Variants in NUDCD1 observed in about 807,000 individuals in gnomAD.
NUDCD1 encodes the protein NudC domain containing 1.
A neutral mutation model predicts 67.8 loss-of-function variants in NUDCD1; 60 were observed. The ratio of observed to expected loss-of-function variants is 0.88; its 90% confidence interval spans 0.72 to 1.10. The LOEUF (loss-of-function observed/expected upper bound fraction) is 1.10. Ranked by LOEUF, NUDCD1 falls within the 50% of genes least tolerant of loss-of-function variation. NUDCD1 has a pLI of 0.00. For synonymous variants in NUDCD1, 244 were observed against 230.8 expected (o/e 1.06, Z -0.52); for missense variants, 643 against 695.0 (o/e 0.93, Z 0.84).
intron 1 of NUDCD1, among the ~76,000 whole-genome samples, chr8:109,326,533 G>A (rs971530197): frequency 6.6e-6 from 1 of 151,784 alleles, no homozygotes; most frequent in Non-Finnish European, 1.5e-5. Flanking sequence ...ATCTTTGTAA[G>A]GGTTGAAGAA....
intron 2 of NUDCD1, among the ~76,000 whole-genome samples, chr8:109,312,361 TGATTATCTCATTGGCCAGA>T (rs1815278250): frequency 6.8e-6 from 1 of 147,968 alleles, no homozygotes; most frequent in Non-Finnish European, 1.5e-5. Context: ...TAATAGAATA[TGATTATCTCATTGGCCAGA>T]GAAAACAATC....
chr8:109,272,164 T>A (rs1272298033), intron 7 of NUDCD1, among the ~76,000 whole-genome samples: 1 of 152,080 alleles, frequency 6.6e-6, no homozygotes, highest in Non-Finnish European at 1.5e-5. Context: ...TTCACATTTT[T>A]AATCTCTTTT....
chr8:109,262,980 G>A (rs1244655585), intron 8 of NUDCD1, among the ~76,000 whole-genome samples: 2 of 140,644 alleles, frequency 1.4e-5, no homozygotes, highest in Non-Finnish European at 3.0e-5. Context: ...GCTTGAACCT[G>A]GGAGGCAAAG....
chr8:109,242,878 T>C lies in NUDCD1; in HGVS notation c.*131A>G, dbSNP rs1443237594. Reference sequence around the variant, plus strand: ...AATCTCTTGAATATATTTCCAATGTTATTAAAAAATAAAAAATCATACAAG... The same window carrying C: ...AATCTCTTGAATATATTTCCAATGTCATTAAAAAATAAAAAATCATACAAG... On this transcript the variant is annotated 3_prime_UTR_variant, in exon 10 of 10. Coordinates refer to ENST00000239690, the MANE Select transcript of NUDCD1 (RefSeq NM_032869.4). 3.8e-6 allele frequency: 2 copies of C among 533,320 alleles called. No homozygotes were observed. The highest frequency in any genetic ancestry group is 6.5e-6 in the Non-Finnish European group (2 of 306,760). The allele number at this position is 533,320 out of a possible 1,614,324, so 33.0% of individuals were successfully genotyped here.
At chr8:109,278,471 AT>A in intron 6 of NUDCD1, among the ~76,000 whole-genome samples, 1 of 152,282 alleles carries the variant, frequency 6.6e-6, no homozygotes, top group East Asian at 1.9e-4. Context: ...GAATTTACTG[AT>A]TTTGACAAAT....
intron 1 of NUDCD1, among the ~76,000 whole-genome samples, chr8:109,324,378 A>G (rs1397549735): frequency 6.6e-6 from 1 of 151,458 alleles, no homozygotes; most frequent in Non-Finnish European, 1.5e-5. Context: ...TAGAATGGCT[A>G]TTTTCAAAAA....
chr8:109,269,260 T>C (rs575347347), intron 8 of NUDCD1, among the ~76,000 whole-genome samples: 5 of 152,300 alleles, frequency 3.3e-5, no homozygotes, highest in East Asian at 3.9e-4. Context: ...ATTGAAGAGA[T>C]AGAAATTAAT....
chr8:109,265,690 G>A (rs945937273), intron 8 of NUDCD1, among the ~76,000 whole-genome samples: 1 of 152,140 alleles, frequency 6.6e-6, no homozygotes, highest in Non-Finnish European at 1.5e-5. Context: ...TCTTTTCACG[G>A]ACAAAGGCAG....
At chr8:109,245,705 G>A (rs920391736) in intron 8 of NUDCD1, among the ~76,000 whole-genome samples, 2 of 152,258 alleles carry the variant, frequency 1.3e-5, no homozygotes, top group East Asian at 1.9e-4. Flanking sequence ...GTAACTTGTC[G>A]ATGGTCAGCC....
chr8:109,270,881 G>T, intron 8 of NUDCD1, 124 bp downstream of exon 8: 1 of 600,214 alleles, frequency 1.7e-6, no homozygotes, highest in East Asian at 2.8e-5. Context: ...GCTACTTTAT[G>T]GAGTGATGAG....
intron 6 of NUDCD1, among the ~76,000 whole-genome samples, chr8:109,276,775 C>T (rs956202459): frequency 6.6e-6 from 1 of 152,096 alleles, no homozygotes; most frequent in Admixed American, 6.5e-5. Context: ...CGTGCCTCAG[C>T]CTCCCAAGTA....
chr8:109,321,729 C>A (rs1355508916), intron 2 of NUDCD1, among the ~76,000 whole-genome samples: 4 of 151,946 alleles, frequency 2.6e-5, no homozygotes, highest in African/African-American at 9.7e-5. Flanking sequence ...ACTATATGCT[C>A]TTTATGACAC....
At position 109,296,453 on chromosome 8, in the gene NUDCD1, TG is replaced by T; in HGVS notation, c.389del (p.Ser130Ter). 1 of 1,613,716 alleles carries T rather than the reference TG, an allele frequency of 6.2e-7. No individual in the cohort carries two copies. Among genetic ancestry groups the T allele is most frequent in the East Asian group, 2.2e-5 (1 of 44,864 alleles). ...HFSSSTWVTL[S>X]DGTGRLYVIG... The stretch of plus-strand genomic sequence containing the variant: ...TGACATACAATCTTCCAGTTCCATC[TG>T]ACAAGGTAACCCAGGTAGAAGATGA... On this transcript the variant is annotated frameshift_variant, in exon 3 of 10. Transcript: ENST00000239690. LOFTEE classifies it high-confidence loss of function.
At chr8:109,328,286 G>A (rs1441047695) in intron 1 of NUDCD1, among the ~76,000 whole-genome samples, 4 of 152,168 alleles carry the variant, frequency 2.6e-5, no homozygotes, top group Non-Finnish European at 5.9e-5. Context: ...TTTAACTGTA[G>A]TGTAAATCTT....
At chr8:109,283,081 T>A (rs952708187) in intron 5 of NUDCD1, among the ~76,000 whole-genome samples, 1 of 152,142 alleles carries the variant, frequency 6.6e-6, no homozygotes, top group East Asian at 1.9e-4. Flanking sequence ...AAGGAAGAGA[T>A]AAACATCTTT....
At chr8:109,324,666 C>T (rs1815627804) in intron 1 of NUDCD1, among the ~76,000 whole-genome samples, 1 of 152,112 alleles carries the variant, frequency 6.6e-6, no homozygotes, top group Non-Finnish European at 1.5e-5. Context: ...ACCTAAGTGG[C>T]CAAAGGATGA....
At chr8:109,268,249 C>T (rs546176710) in intron 8 of NUDCD1, among the ~76,000 whole-genome samples, 6 of 152,090 alleles carry the variant, frequency 3.9e-5, no homozygotes, top group East Asian at 3.9e-4. Flanking sequence ...TAAGAAAAAT[C>T]GGTGTATTTT....
Position 109,281,011 on chromosome 8 carries a change from T to C in NUDCD1, c.985A>G (p.Ile329Val), listed in dbSNP as rs1250414965. The C allele has an allele frequency of 3.1e-6, 5 of 1,609,578 alleles. No individual in the cohort carries two copies. Among genetic ancestry groups the C allele is most frequent in the Non-Finnish European group, 4.3e-6 (5 of 1,176,194 alleles). The change falls in exon 6 of 10, where the codon ATT (isoleucine) becomes GTT (valine). Residue 329 changes from isoleucine (I) to valine (V), a missense_variant. By Grantham distance (29) the Ile-to-Val change is conservative. Coordinates refer to ENST00000239690, the MANE Select transcript of NUDCD1 (RefSeq NM_032869.4). ...QFLEGKLYSS[I>V]DHESSTWIIK... ...ATCCATGTACTGCTTTCATGATCAA[T>C]AGATGAATAGAGTTTTCCTTCTAAA...
At position 109,289,066 on chromosome 8, in the gene NUDCD1, C is replaced by T. The variant is rs537875238; in HGVS notation, c.823+685G>A. Among the ~76,000 whole-genome samples the T allele has an allele frequency of 4.6e-5, 7 of 151,992 alleles. No individual in the cohort carries two copies. The South Asian group carries it at 1.5e-3, about 32-fold the overall frequency. On this transcript the variant is annotated intron_variant, in intron 5 of 9. Transcript: ENST00000239690. ...TCCTGGCTCACAACAACCTCTGCCT[C>T]CTGGGTTCAAGTGATTCTCCTGCCT...
Sources: allele counts gnomAD v4.1 joint callset (sites outside exome capture counted in the v4.1 genomes callset), GRCh38; gene constraint gnomAD v4.1.1; transcripts MANE v1.5; gene names NCBI Gene and HGNC (gene_info 2026-07-23, HGNC 2026-07-21).